Variants in TRRAP observed in about 807,000 individuals in gnomAD.
The protein encoded by TRRAP is transformation/transcription domain-associated protein.
TRRAP carries 41 observed loss-of-function variants against 438.8 expected under a neutral mutation model. That is an observed-to-expected ratio of 0.09 (90% CI 0.07 to 0.12). The LOEUF is 0.12. Among genes scored for constraint, TRRAP ranks in the 10% least tolerant of loss-of-function variants. TRRAP has a pLI of 1.00. For missense variants in TRRAP, 3,122 were observed against 5,055.1 expected (o/e 0.62, Z 11.60); for synonymous variants, 1,994 against 1,962.9 (o/e 1.02, Z -0.42).
chr7:98,983,768 G>A (rs1026535320), intron 60 of TRRAP, among the ~76,000 whole-genome samples: 4 of 152,140 alleles, frequency 2.6e-5, no homozygotes. Flanking sequence ...ATCCCAGGAC[G>A]AGTTGTGCTC....
chr7:98,989,762 G>C (rs984001612), intron 63 of TRRAP, among the ~76,000 whole-genome samples: 3 of 152,214 alleles, frequency 2.0e-5, no homozygotes, highest in African/African-American at 7.2e-5. Context: ...CCTACCTGTT[G>C]CCGGGGTGAT....
chr7:98,952,634 C>T (rs1053416334), intron 39 of TRRAP, among the ~76,000 whole-genome samples: 1 of 152,076 alleles, frequency 6.6e-6, no homozygotes, highest in Non-Finnish European at 1.5e-5. Flanking sequence ...GACATTTGTG[C>T]CTTTCTCTAA....
intron 67 of TRRAP, 41 bp from the exon 68 acceptor site, chr7:99,004,149 C>G: frequency 6.3e-7 from 1 of 1,578,868 alleles, no homozygotes; most frequent in Non-Finnish European, 8.6e-7. Flanking sequence ...AGAACTGGCC[C>G]AGATGACTAA....
At chr7:98,931,812 A>C (rs1488043091) in intron 26 of TRRAP, 147 bp downstream of exon 26, 3 of 996,146 alleles carry the variant, frequency 3.0e-6, no homozygotes, top group African/African-American at 3.3e-5. Context: ...TGGGTACCAA[A>C]ATCTGGGATG....
intron 7 of TRRAP, 131 bp downstream of exon 7, chr7:98,895,951 G>C (rs1330988820): frequency 1.7e-6 from 1 of 605,850 alleles, no homozygotes. Flanking sequence ...GGAATGTTTA[G>C]CAATGGTTAA....
intron 56 of TRRAP, among the ~76,000 whole-genome samples, chr7:98,977,752 C>T (rs944372876): frequency 6.9e-4 from 105 of 152,348 alleles, no homozygotes; most frequent in African/African-American, 2.4e-3. Context: ...TGCTGTGCCG[C>T]GGAAGCTCCA....
chr7:98,988,893 T>C lies in TRRAP; in HGVS notation c.9518T>C (p.Val3173Ala). 6.2e-7 allele frequency: 1 copy of C among 1,614,150 alleles called. No individual in the cohort carries two copies. The highest frequency in any genetic ancestry group is 8.5e-7 in the Non-Finnish European group (1 of 1,180,028). The change falls in exon 63 of 73, where the codon GTG becomes GCG. Residue 3173 changes from valine to alanine, a missense_variant. Val to Ala is a moderately conservative substitution (Grantham distance 64). Coordinates refer to ENST00000456197, the MANE Select transcript of TRRAP (RefSeq NM_001375524.1). Reference protein sequence around the residue: ...FVKERQLHLGVSAITCYLHAC... With the variant: ...FVKERQLHLGASAITCYLHAC... The stretch of plus-strand genomic sequence containing the variant: ...AAGGAGCGGCAGCTGCACCTGGGCG[T>C]GTCTGCCATCACCTGCTACCTGCAC...
chr7:98,961,805 G>A (rs1791904698), intron 46 of TRRAP, among the ~76,000 whole-genome samples: 1 of 152,164 alleles, frequency 6.6e-6, no homozygotes, highest in Non-Finnish European at 1.5e-5. Flanking sequence ...TGTAATCCCA[G>A]CTACTCGGGA....
Position 98,890,333 on chromosome 7 carries a change from A to C in TRRAP, c.151-2A>C. On this transcript the variant is annotated splice_acceptor_variant, in intron 3 of 72. Transcript: ENST00000456197. LOFTEE classifies it high-confidence loss of function. The stretch of plus-strand genomic sequence containing the variant: ...TGGGGTCTTTTATTTTTGCACAATT[A>C]GAATGTCACGTCATCTCCTCAGTAT... 6.5e-7 allele frequency: 1 copy of C among 1,537,644 alleles called. No homozygotes were observed. Among genetic ancestry groups the C allele is most frequent in the Non-Finnish European group, 8.7e-7 (1 of 1,145,860 alleles).
chr7:98,956,472 T>C lies in TRRAP; in HGVS notation c.6170T>C (p.Leu2057Pro). ...GTCTCATCCTCCATTAAGAGAGGCC[T>C]GTCCGTGGATTCTGCCCAGGAAGTG... ...NSVSSSIKRG[L>P]SVDSAQEVKR... is the part of the protein sequence containing the mutation. The change falls in exon 43 of 73, where the codon CTG (leucine) becomes CCG (proline). Residue 2057 changes from leucine to proline, a missense_variant. Coordinates refer to ENST00000456197, the MANE Select transcript of TRRAP (RefSeq NM_001375524.1). This position sits in a 1 kb window ranked among gnomAD's most constrained non-coding sequence, Gnocchi z 4.5. The C allele has an allele frequency of 6.2e-7, 1 of 1,614,248 alleles. No individual in the cohort carries two copies. The highest frequency in any genetic ancestry group is 8.5e-7 in the Non-Finnish European group (1 of 1,180,044).
In TRRAP at chr7:99,005,100, G is replaced by A. The variant is rs1794104466; in HGVS notation, c.10536-31G>A. 1 of 1,606,458 alleles carries A rather than the reference G, an allele frequency of 6.2e-7. No individual in the cohort carries two copies. The stretch of plus-strand genomic sequence containing the variant: ...ACAAGGACTGGTAGCAGAGATGCAG[G>A]GCATGTCCTCATGGCTTCTCGCTCT... On this transcript the variant is annotated intron_variant, in intron 68 of 72. Transcript: ENST00000456197. The surrounding 1 kb of genome is among the most constrained non-coding windows in gnomAD (Gnocchi z 5.1).
intron 67 of TRRAP, among the ~76,000 whole-genome samples, chr7:99,000,877 G>C (rs1444809372): frequency 6.6e-6 from 1 of 152,238 alleles, no homozygotes; most frequent in African/African-American, 2.4e-5. Flanking sequence ...TCTCTGCCTT[G>C]CACACCCAGA....
At chr7:98,977,687 C>T (rs1792727424) in intron 56 of TRRAP, among the ~76,000 whole-genome samples, 1 of 152,206 alleles carries the variant, frequency 6.6e-6, no homozygotes, top group African/African-American at 2.4e-5. Context: ...TGTGTCTGCC[C>T]TTCAGTGTGG....
intron 12 of TRRAP, among the ~76,000 whole-genome samples, chr7:98,905,538 G>T (rs1554407394): frequency 6.6e-6 from 1 of 152,132 alleles, no homozygotes; most frequent in East Asian, 1.9e-4. Flanking sequence ...CCTGAGTGGT[G>T]ACCGGTTGTT....
At chr7:98,969,972 A>T in intron 51 of TRRAP, 140 bp from the exon 52 acceptor site, 1 of 951,230 alleles carries the variant, frequency 1.1e-6, no homozygotes, top group Non-Finnish European at 1.6e-6. Context: ...GGTTGGGGAC[A>T]GGTGGGAAAG....
intron 67 of TRRAP, chr7:98,999,479 G>A: frequency 1.3e-6 from 1 of 792,852 alleles, no homozygotes; most frequent in African/African-American, 1.7e-5. Flanking sequence ...ACTTTTTCCT[G>A]AGAACTTATC....
intron 56 of TRRAP, among the ~76,000 whole-genome samples, chr7:98,977,495 G>T (rs1225087703): frequency 1.3e-5 from 2 of 152,178 alleles, no homozygotes; most frequent in African/African-American, 2.4e-5. Flanking sequence ...AAGCATTTCA[G>T]TCCCGCACGT....
In TRRAP at chr7:99,011,997, C is replaced by T. The variant is rs1036936726; in HGVS notation, c.11338-74C>T. The T allele has an allele frequency of 6.4e-7, 1 of 1,558,202 alleles. No individual in the cohort carries two copies. Among genetic ancestry groups the T allele is most frequent in the African/African-American group, 1.3e-5 (1 of 74,206 alleles). The stretch of plus-strand genomic sequence containing the variant: ...CTGAGCGGCCGCTGTGGTTGAGTCC[C>T]ACCTTGTTAGGAAGCTGCCCCTGTG... On this transcript the variant is annotated intron_variant, in intron 72 of 72. Transcript: ENST00000456197. The surrounding 1 kb of genome is among the most constrained non-coding windows in gnomAD (Gnocchi z 7.1).
chr7:98,898,115 G>C (rs1562930764), intron 8 of TRRAP, among the ~76,000 whole-genome samples: 2 of 152,190 alleles, frequency 1.3e-5, no homozygotes, highest in Non-Finnish European at 2.9e-5. Flanking sequence ...AAGAGCAGCA[G>C]ACCAGGTGTG....
Sources: allele counts gnomAD v4.1 joint callset (sites outside exome capture counted in the v4.1 genomes callset), GRCh38; gene constraint gnomAD v4.1.1; non-coding constraint Gnocchi (gnomAD v3.1); transcripts MANE v1.5; gene names NCBI Gene and HGNC (gene_info 2026-07-23, HGNC 2026-07-21).